The following GATAD2B variants were observed in gnomAD, a reference collection of about 807,000 sequenced individuals.
GATAD2B encodes the protein GATA zinc finger domain containing 2B.
GATAD2B carries 8 observed loss-of-function variants against 64.3 expected under a neutral mutation model. The observed-to-expected ratio is 0.12, with a 90% CI of 0.07 to 0.22. The LOEUF (loss-of-function observed/expected upper bound fraction) is 0.22, where lower values mean the gene tolerates loss of function less well. Ranked by LOEUF, GATAD2B falls within the 10% of genes least tolerant of loss-of-function variation. GATAD2B has a pLI of 1.00. For missense variants in GATAD2B, 453 were observed against 752.0 expected (o/e 0.60, Z 4.65); for synonymous variants, 281 against 271.3 (o/e 1.04, Z -0.35).
chr1:153,805,988 CCTTT>C lies in GATAD2B; in HGVS notation c.*4185_*4188del, dbSNP rs772373434. The C allele has an allele frequency of 6.6e-6, 1 of 152,142 alleles. No individual in the cohort carries two copies. Among genetic ancestry groups the C allele is most frequent in the Non-Finnish European group, 1.5e-5 (1 of 68,030 alleles). The allele number at this position is 152,142 out of a possible 1,614,324, so 9.4% of individuals were successfully genotyped here. On this transcript the variant is annotated 3_prime_UTR_variant, in exon 11 of 11. Coordinates refer to ENST00000368655, the MANE Select transcript of GATAD2B (RefSeq NM_020699.4). ...TTTCCTCAGGATGACTTATTAAAAT[CCTTT>C]CTATCATCCCCTGACAATCCACCCT...
chr1:153,811,317 G>A (rs1457674173), intron 10 of GATAD2B, among the ~76,000 whole-genome samples: 1 of 152,234 alleles, frequency 6.6e-6, no homozygotes, highest in Non-Finnish European at 1.5e-5. Context: ...GGAGAGACAA[G>A]TGAAACAGTG....
rs1215381457 is a variant in GATAD2B, at chr1:153,808,977, T to C, written c.*1200A>G. ...AGTAAGGACAGGACTCCAACCTGAT[T>C]GTGTACCCCCAGCCTCTCATCTCCT... On this transcript the variant is annotated 3_prime_UTR_variant, in exon 11 of 11. Transcript: ENST00000368655. 1.3e-5 allele frequency: 2 copies of C among 152,186 alleles called. No homozygotes were observed. Among genetic ancestry groups the C allele is most frequent in the South Asian group, 2.1e-4 (1 of 4,822 alleles). The allele number at this position is 152,186 out of a possible 1,614,324, so 9.4% of individuals were successfully genotyped here. A position where few individuals can be genotyped will look rare whatever the true frequency, so the allele number is the denominator to read the frequency against.
At chr1:153,891,764 C>A (rs185996364) in intron 1 of GATAD2B, among the ~76,000 whole-genome samples, 3 of 151,394 alleles carry the variant, frequency 2.0e-5, no homozygotes, top group Non-Finnish European at 4.4e-5. Flanking sequence ...AAATTCTGTA[C>A]CATGTGCATA....
chr1:153,828,465 C>T (rs1009406888), intron 1 of GATAD2B, 117 bp from the exon 2 acceptor site: 10 of 385,416 alleles, frequency 2.6e-5, no homozygotes, highest in South Asian at 6.1e-5. Flanking sequence ...TACACACACA[C>T]ACACACACAC....
intron 1 of GATAD2B, among the ~76,000 whole-genome samples, chr1:153,886,672 C>T (rs538669288): frequency 6.6e-6 from 1 of 151,832 alleles, no homozygotes; most frequent in East Asian, 1.9e-4. Context: ...GGACCTCAGC[C>T]TCTCGACTAG....
At position 153,836,120 on chromosome 1, in the gene GATAD2B, C is replaced by G. The variant is rs149307677; in HGVS notation, c.-1-7772G>C. On this transcript the variant is annotated intron_variant, in intron 1 of 10. Coordinates refer to ENST00000368655, the MANE Select transcript of GATAD2B (RefSeq NM_020699.4). ...TTGTGGTGGTCTGGAATGGAACATA[C>G]AAAATCTCTGAGGTATGTCTATACT... Among the ~76,000 whole-genome samples, 38 of 152,158 alleles carry G rather than the reference C, an allele frequency of 2.5e-4. No individual in the cohort carries two copies. In the East Asian group the frequency reaches 7.3e-3, roughly 29 times the overall value.
At chr1:153,911,750 A>G (rs1168571693) in intron 1 of GATAD2B, among the ~76,000 whole-genome samples, 2 of 147,844 alleles carry the variant, frequency 1.4e-5, no homozygotes, top group African/African-American at 4.9e-5. Context: ...AAAAAACAAA[A>G]AACAAAAAAA....
intron 1 of GATAD2B, chr1:153,890,566 G>A (rs1261573630): frequency 1.3e-5 from 2 of 152,174 alleles, no homozygotes; most frequent in East Asian, 1.9e-4. Context: ...TCTTGGTTGG[G>A]GGCCATCCTG....
At chr1:153,869,997 C>G (rs1025454163) in intron 1 of GATAD2B, among the ~76,000 whole-genome samples, 1 of 152,054 alleles carries the variant, frequency 6.6e-6, no homozygotes, top group Non-Finnish European at 1.5e-5. Flanking sequence ...CTGGCTCTGT[C>G]ATCCAGGCAC....
Position 153,807,901 on chromosome 1 carries a change from G to A in GATAD2B, c.*2276C>T. 1 of 152,556 alleles carries A rather than the reference G, an allele frequency of 6.6e-6. No individual in the cohort carries two copies. Among genetic ancestry groups the A allele is most frequent in the East Asian group, 1.9e-4 (1 of 5,190 alleles). 9.5% of individuals were successfully genotyped at this position (152,556 alleles called of 1,614,324 possible). A position where few individuals can be genotyped will look rare whatever the true frequency, so the allele number is the denominator to read the frequency against. ...TGGCACTTCATCATGAGGGAGGGAG[G>A]AAGAGGCTAGACAGACATGCCACAA... On this transcript the variant is annotated 3_prime_UTR_variant, in exon 11 of 11. Transcript: ENST00000368655.
At chr1:153,838,536 C>T (rs1171826686) in intron 1 of GATAD2B, among the ~76,000 whole-genome samples, 1 of 151,940 alleles carries the variant, frequency 6.6e-6, no homozygotes, top group Non-Finnish European at 1.5e-5. Flanking sequence ...GAGTCTCACT[C>T]TGTCATCCAG....
At chr1:153,921,593 T>TAC (rs375613490) in intron 1 of GATAD2B, among the ~76,000 whole-genome samples, 184 of 150,950 alleles carry the variant, frequency 1.2e-3, no homozygotes, top group African/African-American at 3.8e-3. Flanking sequence ...CTCTCTCTCT[T>TAC]ACACACACAC....
At chr1:153,895,632 A>T (rs1677565558) in intron 1 of GATAD2B, among the ~76,000 whole-genome samples, 1 of 152,094 alleles carries the variant, frequency 6.6e-6, no homozygotes, top group Admixed American at 6.6e-5. Context: ...GAACGGAGAC[A>T]TCTGAGGGGC....
chr1:153,821,742 A>G (rs1000450383), intron 2 of GATAD2B, among the ~76,000 whole-genome samples: 4 of 151,236 alleles, frequency 2.6e-5, no homozygotes, highest in Non-Finnish European at 5.9e-5. Context: ...TTTTTTTTGT[A>G]TTTTTAGTAG....
intron 1 of GATAD2B, among the ~76,000 whole-genome samples, chr1:153,830,206 G>A (rs1459267112): frequency 1.3e-5 from 2 of 152,076 alleles, no homozygotes; most frequent in African/African-American, 4.8e-5. Flanking sequence ...GAGTGGAGTG[G>A]TGAGATCTCA....
Position 153,828,241 on chromosome 1 carries a change from C to T in GATAD2B, c.107G>A (p.Gly36Glu), listed in dbSNP as rs1674951135. The T allele has an allele frequency of 1.9e-6, 3 of 1,614,120 alleles. No individual in the cohort carries two copies. The highest frequency in any genetic ancestry group is 2.2e-5 in the East Asian group (1 of 44,888). ...TTTCAGACGTTCCATGGCCTCATGC[C>T]CCTCCATTTTGAGTCGCTTTGCCAG... ...DVLAKRLKME[G>E]HEAMERLKML... is the part of the protein sequence containing the mutation. Residue 36 changes from glycine (G) to glutamate (E), a missense_variant, in exon 2 of 11, where the codon GGG becomes GAG. Around this residue, in one of 2 missense-constraint regions of GATAD2B, gnomAD observed 293 missense variants for 417.2 expected, o/e 0.70. Transcript: ENST00000368655.
chr1:153,903,136 T>C (rs950354814), intron 1 of GATAD2B, among the ~76,000 whole-genome samples: 1 of 149,870 alleles, frequency 6.7e-6, no homozygotes, highest in Non-Finnish European at 1.5e-5. Flanking sequence ...GAGAATGGAG[T>C]GAAACCAGGA....
intron 1 of GATAD2B, among the ~76,000 whole-genome samples, chr1:153,920,061 G>A (rs910208614): frequency 6.6e-6 from 1 of 152,212 alleles, no homozygotes; most frequent in Non-Finnish European, 1.5e-5. Flanking sequence ...CAATGGGGTG[G>A]CTAACATGGA....
intron 1 of GATAD2B, among the ~76,000 whole-genome samples, chr1:153,836,178 G>A (rs540087694): frequency 6.6e-6 from 1 of 151,662 alleles, no homozygotes; most frequent in African/African-American, 2.4e-5. Context: ...AGTGGCTTGT[G>A]TGTGTAATCC....
Sources: gnomAD v4.1 joint callset for allele counts (sites outside exome capture counted in the v4.1 genomes callset) on GRCh38, gnomAD v4.1.1 for gene constraint, gnomAD v4.1.1 regional missense constraint, MANE v1.5 for transcripts, NCBI Gene and HGNC (gene_info 2026-07-23, HGNC 2026-07-21) for gene names.